The following ENOPH1 variants were observed in gnomAD, a reference collection of about 807,000 sequenced individuals.
The protein encoded by ENOPH1 is enolase-phosphatase E1.
ENOPH1 carries 14 observed loss-of-function variants against 31.1 expected under a neutral mutation model. The observed-to-expected ratio is 0.45, with a 90% CI of 0.30 to 0.70. The LOEUF (loss-of-function observed/expected upper bound fraction) is 0.70, where lower values mean the gene tolerates loss of function less well. Ranked by LOEUF, ENOPH1 falls within the 30% of genes least tolerant of loss-of-function variation. The probability of loss-of-function intolerance (pLI) is 0.09; values close to 1 mark genes in which losing one functional copy is unlikely to be tolerated. For missense variants in ENOPH1, 243 were observed against 321.5 expected, an observed-to-expected ratio of 0.76 and a Z score of 1.87; for synonymous variants, 127 against 123.2, an observed-to-expected ratio of 1.03 and a Z score of -0.21.
rs777240553 is a variant in ENOPH1, at chr4:82,451,241, G to T, written c.385G>T (p.Ala129Ser). ...GGCATTCACAGCTGGGCGCATGAAAGCAGAGTATGTGCTTGAGTCAGCCTA... is the reference window on the plus strand; with the variant it reads ...GGCATTCACAGCTGGGCGCATGAAATCAGAGTATGTGCTTGAGTCAGCCTA... ...RAAFTAGRMKAEFFADVVPAV... is the reference protein window; with the variant it reads ...RAAFTAGRMKSEFFADVVPAV... Residue 129 changes from alanine to serine, a missense_variant, in exon 3 of 6, where the codon GCA becomes TCA. Coordinates refer to ENST00000273920, the MANE Select transcript of ENOPH1 (RefSeq NM_021204.5). 6.2e-7 allele frequency: 1 copy of T among 1,614,162 alleles called. No homozygotes were observed. The highest frequency in any genetic ancestry group is 1.1e-5 in the South Asian group (1 of 91,080).
chr4:82,451,248 A>G lies in ENOPH1; in HGVS notation c.389+3A>G, dbSNP rs1722343585. ...ACAGCTGGGCGCATGAAAGCAGAGTATGTGCTTGAGTCAGCCTAAACATTT... is the reference window on the plus strand; with the variant it reads ...ACAGCTGGGCGCATGAAAGCAGAGTGTGTGCTTGAGTCAGCCTAAACATTT... On this transcript the variant is annotated splice_donor_region_variant and intron_variant, in intron 3 of 5. Coordinates refer to ENST00000273920, the MANE Select transcript of ENOPH1 (RefSeq NM_021204.5). 1 of 1,613,962 alleles carries G rather than the reference A, an allele frequency of 6.2e-7. No homozygotes were observed. Among genetic ancestry groups the G allele is most frequent in the African/African-American group, 1.3e-5 (1 of 75,066 alleles).
chr4:82,450,772 A>C (rs1027991934), intron 2 of ENOPH1, among the ~76,000 whole-genome samples: 1 of 152,224 alleles, frequency 6.6e-6, no homozygotes, highest in African/African-American at 2.4e-5. Flanking sequence ...TCAAATCTTA[A>C]TTCTATCATT....
intron 1 of ENOPH1, among the ~76,000 whole-genome samples, chr4:82,431,832 T>C (rs1721771723): frequency 6.6e-6 from 1 of 152,110 alleles, no homozygotes; most frequent in African/African-American, 2.4e-5. Context: ...GTAGGAAAAA[T>C]CCATCTTCCA....
rs754127899 is a variant in ENOPH1 at position 82,460,141 on chromosome 4, C to A, written c.*21C>A. The A allele has an allele frequency of 1.2e-6, 2 of 1,613,560 alleles. No homozygotes were observed. The highest frequency in any genetic ancestry group is 1.7e-6 in the Non-Finnish European group (2 of 1,179,610). On this transcript the variant is annotated 3_prime_UTR_variant, in exon 6 of 6. Coordinates refer to ENST00000273920, the MANE Select transcript of ENOPH1 (RefSeq NM_021204.5). ...CCTAGAGAAGGGTTGTTAAGGCAGA[C>A]CGCCCTGTTCCCCAGAGTTGTCCCT... is the stretch of plus-strand genomic sequence containing the variant.
chr4:82,432,375 C>T (rs371696234), intron 1 of ENOPH1, among the ~76,000 whole-genome samples: 3 of 152,186 alleles, frequency 2.0e-5, no homozygotes, highest in South Asian at 2.1e-4. Flanking sequence ...GGCGGAGTCT[C>T]GCTCTGTTGC....
At chr4:82,446,687 A>ATTTTTTTTTTTTTTTTT (rs1256739519) in intron 1 of ENOPH1, among the ~76,000 whole-genome samples, 1 of 95,798 alleles carries the variant, frequency 1.0e-5, no homozygotes, top group Non-Finnish European at 1.9e-5. Flanking sequence ...GTGTGACGGA[A>ATTTTTTTTTTTTTTTTT]TCTTTTTTTT....
chr4:82,457,755 G>C lies in ENOPH1; in HGVS notation c.646+717G>C, dbSNP rs557023064. Among the ~76,000 whole-genome samples the C allele has an allele frequency of 2.5e-3, 385 of 152,324 alleles. 1 individual carries two copies. The highest frequency in any genetic ancestry group is 4.1e-3 in the Non-Finnish European group (280 of 68,032). ...AGCCAGTTCTGGGATTAAATGCACAGTTCCATTTGTGATCCCCGGACCTTT... is the reference window on the plus strand; with the variant it reads ...AGCCAGTTCTGGGATTAAATGCACACTTCCATTTGTGATCCCCGGACCTTT... On this transcript the variant is annotated intron_variant, in intron 5 of 5. Transcript: ENST00000273920.
chr4:82,459,432 C>T (rs1439033341), intron 5 of ENOPH1, among the ~76,000 whole-genome samples: 1 of 152,156 alleles, frequency 6.6e-6, no homozygotes, highest in African/African-American at 2.4e-5. Flanking sequence ...GCTGGGACTA[C>T]AGGCACACGC....
At chr4:82,436,464 T>C (rs976123490) in intron 1 of ENOPH1, among the ~76,000 whole-genome samples, 1 of 152,094 alleles carries the variant, frequency 6.6e-6, no homozygotes, top group South Asian at 2.1e-4. Flanking sequence ...GGTGAGAGGA[T>C]TGCTTGAACC....
At chr4:82,444,225 C>CTTT (rs34033543) in intron 1 of ENOPH1, among the ~76,000 whole-genome samples, 1 of 143,598 alleles carries the variant, frequency 7.0e-6, no homozygotes, top group Non-Finnish European at 1.5e-5. Context: ...CAGCACTATT[C>CTTT]TTTTTTTTTT....
chr4:82,451,260 C>T lies in ENOPH1; in HGVS notation c.389+15C>T. 6.2e-7 allele frequency: 1 copy of T among 1,611,290 alleles called. No individual in the cohort carries two copies. Among genetic ancestry groups the T allele is most frequent in the South Asian group, 1.1e-5 (1 of 90,954 alleles). On this transcript the variant is annotated intron_variant, in intron 3 of 5. Transcript: ENST00000273920. ...ATGAAAGCAGAGTATGTGCTTGAGTCAGCCTAAACATTTCACCAGTCCCAA... is the reference window on the plus strand; with the variant it reads ...ATGAAAGCAGAGTATGTGCTTGAGTTAGCCTAAACATTTCACCAGTCCCAA...
intron 5 of ENOPH1, 108 bp downstream of exon 5, chr4:82,457,146 A>T (rs997105064): frequency 1.8e-6 from 2 of 1,101,698 alleles, no homozygotes; most frequent in Non-Finnish European, 1.3e-6. Context: ...CTTGAAAAAT[A>T]AAACAGTTTT....
intron 2 of ENOPH1, 29 bp from the exon 3 acceptor site, chr4:82,451,014 A>C: frequency 6.3e-7 from 1 of 1,593,028 alleles, no homozygotes; most frequent in Non-Finnish European, 8.6e-7. Flanking sequence ...TAAGCAAAAA[A>C]CAAACATCAT....
chr4:82,436,271 T>C (rs1253041947), intron 1 of ENOPH1, among the ~76,000 whole-genome samples: 1 of 152,236 alleles, frequency 6.6e-6, no homozygotes, highest in Non-Finnish European at 1.5e-5. Flanking sequence ...ACTTTTCTAC[T>C]GCTTAGGGCA....
At chr4:82,454,178 C>T (rs112486924) in intron 3 of ENOPH1, among the ~76,000 whole-genome samples, 2,336 of 152,220 alleles carry the variant, frequency 0.015, 59 homozygotes, top group African/African-American at 0.053. Flanking sequence ...CATGCCACTG[C>T]ACTCCAGCCT....
chr4:82,431,915 C>CTT (rs35670686), intron 1 of ENOPH1, among the ~76,000 whole-genome samples: 59 of 143,402 alleles, frequency 4.1e-4, no homozygotes, highest in African/African-American at 1.1e-3. Context: ...GTGAATAAGG[C>CTT]TTTTTTTTTT....
At chr4:82,454,483 T>C (rs955328768) in intron 3 of ENOPH1, among the ~76,000 whole-genome samples, 1 of 152,232 alleles carries the variant, frequency 6.6e-6, no homozygotes, top group African/African-American at 2.4e-5. Context: ...TTACTGTCAC[T>C]AGTGGCTGTC....
intron 3 of ENOPH1, among the ~76,000 whole-genome samples, chr4:82,452,019 G>A (rs375876833): frequency 5.0e-4 from 76 of 152,024 alleles, no homozygotes; most frequent in African/African-American, 1.7e-3. Context: ...GGGCTTGAGC[G>A]ATCTGCCTGC....
intron 1 of ENOPH1, among the ~76,000 whole-genome samples, chr4:82,433,994 T>C (rs1364625871): frequency 6.6e-6 from 1 of 152,184 alleles, no homozygotes; most frequent in Non-Finnish European, 1.5e-5. Flanking sequence ...AAACATTGAG[T>C]ACTGTATACG....
Sources: gnomAD v4.1 joint callset for allele counts (sites outside exome capture counted in the v4.1 genomes callset) on GRCh38, gnomAD v4.1.1 for gene constraint, MANE v1.5 for transcripts, NCBI Gene and HGNC (gene_info 2026-07-23, HGNC 2026-07-21) for gene names.